Variants in SNRPN observed in about 807,000 individuals in gnomAD.
SNRPN encodes small nuclear ribonucleoprotein polypeptide N.
In SNRPN, 7 loss-of-function variants were observed where a neutral mutation model predicts 25.2. The observed-to-expected ratio is 0.28, with a 90% CI of 0.16 to 0.52. The LOEUF is 0.52. SNRPN is among the 20% of genes least tolerant of loss of function. SNRPN has a pLI of 0.96. For missense variants in SNRPN, 196 were observed against 322.5 expected (o/e 0.61, Z 3.00); for synonymous variants, 124 against 110.6 (o/e 1.12, Z -0.76).
chr15:24,910,488 A>AATT (rs948937851), intron 2 of SNRPN, among the ~76,000 whole-genome samples: 1 of 151,626 alleles, frequency 6.6e-6, no homozygotes, highest in Admixed American at 6.6e-5. Context: ...AAAAAATGCT[A>AATT]ATTATTATTA....
At chr15:24,885,894 A>G (rs973757323) in intron 1 of SNRPN, among the ~76,000 whole-genome samples, 2 of 152,172 alleles carry the variant, frequency 1.3e-5, no homozygotes, top group African/African-American at 4.8e-5. Flanking sequence ...TACATTTCAA[A>G]ATAATAGCGT....
intron 2 of SNRPN, among the ~76,000 whole-genome samples, chr15:24,894,444 C>T (rs564645382): frequency 3.3e-5 from 5 of 152,140 alleles, no homozygotes; most frequent in African/African-American, 1.2e-4. Context: ...GTGTCTTGAT[C>T]TCCTGACCTC....
At chr15:24,881,621 A>AGAGAGAGAGAG (rs2056684612) in intron 1 of SNRPN, among the ~76,000 whole-genome samples, 3 of 106,548 alleles carry the variant, frequency 2.8e-5, no homozygotes, top group Non-Finnish European at 6.1e-5. Context: ...GAGAGAGAGA[A>AGAGAGAGAGAG]AGTCACAGTA....
At chr15:24,839,963 A>G (rs2051546103) in intron 2 of SNRPN, among the ~76,000 whole-genome samples, 1 of 152,218 alleles carries the variant, frequency 6.6e-6, no homozygotes, top group Admixed American at 6.5e-5. Flanking sequence ...AGCCATCCAG[A>G]GAGAAATGGC....
chr15:24,927,476 A>ATTTTTTT (rs71127023), intron 3 of SNRPN, among the ~76,000 whole-genome samples: 1 of 25,074 alleles, frequency 4.0e-5, no homozygotes, highest in African/African-American at 1.5e-4. Context: ...AAGTTTTTAA[A>ATTTTTTT]TTTTTTTTTT....
At position 24,906,393 on chromosome 15, in the gene SNRPN, A is replaced by C. The variant is rs890600890; in HGVS notation, c.-504-13618A>C. 3.9e-5 allele frequency among the ~76,000 whole-genome samples: 6 copies of C among 152,312 alleles called. No homozygotes were observed. In the South Asian group the frequency reaches 8.3e-4, roughly 21 times the overall value. On this transcript the variant is annotated intron_variant, in intron 2 of 11. Transcript: ENST00000400097. The stretch of plus-strand genomic sequence containing the variant: ...ACTGATTCACCCACCTTGACCTCCC[A>C]AAGTGCTGGGATTACAGACATGAGC...
chr15:24,850,062 T>G (rs897246966), intron 2 of SNRPN: 2 of 152,214 alleles, frequency 1.3e-5, no homozygotes, highest in Non-Finnish European at 2.9e-5. Context: ...GAAGCATTTC[T>G]TAGAAAACAA....
chr15:24,834,759 A>ATG (rs1323425866), intron 2 of SNRPN, among the ~76,000 whole-genome samples: 16 of 38,158 alleles, frequency 4.2e-4, no homozygotes, highest in African/African-American at 1.1e-3. Context: ...CTCTATATAT[A>ATG]TATATATATA....
chr15:24,890,697 C>CA (rs1489782387), intron 2 of SNRPN, among the ~76,000 whole-genome samples: 10 of 151,690 alleles, frequency 6.6e-5, no homozygotes, highest in Non-Finnish European at 1.3e-4. Flanking sequence ...AAAACAAAAA[C>CA]AAAAAAACAA....
chr15:24,826,660 C>A (rs192502571), intron 1 of SNRPN, among the ~76,000 whole-genome samples: 1 of 151,916 alleles, frequency 6.6e-6, no homozygotes, highest in East Asian at 1.9e-4. Context: ...ATTTAATGGG[C>A]GTGTGTAACA....
intron 3 of SNRPN, chr15:24,920,235 T>C (rs2059949550): frequency 6.6e-6 from 1 of 152,236 alleles, no homozygotes; most frequent in South Asian, 2.1e-4. Context: ...AAACCTTTTT[T>C]TCTGAATCAG....
intron 2 of SNRPN, among the ~76,000 whole-genome samples, chr15:24,840,357 T>C (rs1182040733): frequency 2.6e-5 from 4 of 151,962 alleles, no homozygotes; most frequent in Admixed American, 1.3e-4. Flanking sequence ...AAACTCCATC[T>C]CAAAAAAATA....
At position 24,878,300 on chromosome 15, in the gene SNRPN, G is replaced by A. The variant is rs538508521; in HGVS notation, c.-578-8216G>A. The stretch of plus-strand genomic sequence containing the variant: ...CCACATGGCTATTACCGCAACCACC[G>A]CTGCCACGCAGCCCGCAAGAAATGT... On this transcript the variant is annotated intron_variant, in intron 1 of 11. Coordinates refer to the SNRPN transcript ENST00000400097. 1.1e-4 allele frequency among the ~76,000 whole-genome samples: 16 copies of A among 152,284 alleles called. No homozygotes were observed. The East Asian group carries it at 1.5e-3, about 15-fold the overall frequency.
intron 2 of SNRPN, among the ~76,000 whole-genome samples, chr15:24,908,034 C>CAGAGCT (rs1284890302): frequency 3.9e-4 from 42 of 107,796 alleles, no homozygotes; most frequent in African/African-American, 1.2e-3. Context: ...GCCTGGGCAA[C>CAGAGCT]AGAGCTAGAC....
upstream of SNRPN, among the ~76,000 whole-genome samples, chr15:24,950,549 T>C (rs970688648): frequency 2.1e-4 from 31 of 146,118 alleles, no homozygotes; most frequent in East Asian, 9.9e-4. Flanking sequence ...CATTTCTTTT[T>C]TTTTTTTTTT....
chr15:24,919,782 C>T (rs1276792378), intron 2 of SNRPN, among the ~76,000 whole-genome samples: 1 of 152,122 alleles, frequency 6.6e-6, no homozygotes, highest in African/African-American at 2.4e-5. Flanking sequence ...CTGGATTTGA[C>T]AAGGAAGTGC....
chr15:24,881,518 C>T (rs1221227709), intron 1 of SNRPN, among the ~76,000 whole-genome samples: 5 of 79,910 alleles, frequency 6.3e-5, no homozygotes, highest in South Asian at 5.9e-4. Flanking sequence ...GCAACAAGAG[C>T]GAAACTCCGA....
At chr15:24,829,010 C>A (rs1200579323) in intron 1 of SNRPN, among the ~76,000 whole-genome samples, 1 of 152,174 alleles carries the variant, frequency 6.6e-6, no homozygotes, top group East Asian at 1.9e-4. Context: ...TCTTCAAGTG[C>A]AAACTCTCTT....
chr15:24,863,999 T>TTGTATTTATTTA (rs377443160), intron 1 of SNRPN, among the ~76,000 whole-genome samples: 1,738 of 148,836 alleles, frequency 0.012, 41 homozygotes, highest in Non-Finnish European at 0.015. Flanking sequence ...CTTTTTTAAA[T>TTGTATTTATTTA]TTTATTTATT....
Sources: allele counts gnomAD v4.1 joint callset (sites outside exome capture counted in the v4.1 genomes callset), GRCh38; gene constraint gnomAD v4.1.1; transcripts MANE v1.5; gene names NCBI Gene and HGNC (gene_info 2026-07-23, HGNC 2026-07-21).